The following RGSL1 variants were observed in gnomAD, a reference collection of about 807,000 sequenced individuals.
The protein encoded by RGSL1 is regulator of G protein signaling like 1.
Under a neutral mutation model 124.7 loss-of-function variants are expected in RGSL1, and 97 were observed. The ratio of observed to expected loss-of-function variants is 0.78; its 90% confidence interval spans 0.66 to 0.92. The LOEUF is 0.92. RGSL1 is among the 40% of genes least tolerant of loss of function. The probability of loss-of-function intolerance (pLI) is 0.00; values close to 1 mark genes in which losing one functional copy is unlikely to be tolerated. For missense variants in RGSL1, 1,233 were observed against 1,288.4 expected (o/e 0.96, Z 0.66); for synonymous variants, 424 against 438.1 (o/e 0.97, Z 0.40).
chr1:182,554,895 G>A, intron 20 of RGSL1: 2 of 567,582 alleles, frequency 3.5e-6, no homozygotes, highest in Non-Finnish European at 6.3e-6. Flanking sequence ...CCTCCAACTA[G>A]GACAGGCACT....
intron 9 of RGSL1, among the ~76,000 whole-genome samples, chr1:182,510,241 G>T (rs1657308644): frequency 2.8e-5 from 1 of 36,206 alleles, no homozygotes; most frequent in African/African-American, 1.3e-4. Context: ...ACGATGGGCG[G>T]CCAGGCAGAG....
At chr1:182,560,216 G>A (rs1661094025) in intron 21 of RGSL1, 63 bp from the exon 22 acceptor site, 1 of 152,188 alleles carries the variant, frequency 6.6e-6, no homozygotes, top group African/African-American at 2.4e-5. Context: ...AAATGCTATT[G>A]TCTTCATGAA....
intron 9 of RGSL1, among the ~76,000 whole-genome samples, chr1:182,509,305 C>A (rs1349616880): frequency 2.5e-5 from 1 of 39,928 alleles, no homozygotes; most frequent in Admixed American, 2.3e-4. Context: ...GGCGGCTGGC[C>A]GGGCAGGGGG....
chr1:182,473,585 G>A lies in RGSL1; in HGVS notation c.474G>A (p.Leu158=). 1 of 1,544,814 alleles carries A rather than the reference G, an allele frequency of 6.5e-7. No homozygotes were observed. Among genetic ancestry groups the A allele is most frequent in the Non-Finnish European group, 8.7e-7 (1 of 1,143,688 alleles). Residue 158 remains leucine, a synonymous_variant, in exon 6 of 22, where the codon CTG becomes CTA. Coordinates refer to ENST00000294854, the MANE Select transcript of RGSL1 (RefSeq NM_001137669.2). Reference sequence around the variant, plus strand: ...CTGTATTATTTCCAGAGTCCCTCCTGAACCTCTCCATCTGGCATCCCAACC... The same window carrying A: ...CTGTATTATTTCCAGAGTCCCTCCTAAACCTCTCCATCTGGCATCCCAACC... ...TLCNMNIKSL[L]NLSIWHPNQS... is the part of the protein sequence containing the mutation.
intron 13 of RGSL1, among the ~76,000 whole-genome samples, chr1:182,531,383 T>C (rs770310181): frequency 3.2e-4 from 49 of 152,046 alleles, no homozygotes; most frequent in Non-Finnish European, 5.4e-4. Context: ...CTTTCTCCTA[T>C]GGGAGAACAG....
chr1:182,484,118 G>A (rs1417562624), intron 6 of RGSL1, among the ~76,000 whole-genome samples: 5 of 152,076 alleles, frequency 3.3e-5, no homozygotes, highest in South Asian at 2.1e-4. Flanking sequence ...CAGGGAAAGG[G>A]ATGTCTTAGC....
intron 8 of RGSL1, among the ~76,000 whole-genome samples, chr1:182,489,491 C>G (rs751181905): frequency 2.6e-5 from 4 of 152,190 alleles, no homozygotes; most frequent in Non-Finnish European, 4.4e-5. Context: ...TAGCTAGACT[C>G]TGGCCCACCA....
chr1:182,543,350 T>G (rs920389905), intron 15 of RGSL1, among the ~76,000 whole-genome samples: 2 of 152,220 alleles, frequency 1.3e-5, no homozygotes, highest in Non-Finnish European at 2.9e-5. Flanking sequence ...ATATATCATG[T>G]TTATTGATTT....
At chr1:182,547,732 A>G (rs575532964) in intron 15 of RGSL1, among the ~76,000 whole-genome samples, 2 of 152,028 alleles carry the variant, frequency 1.3e-5, no homozygotes, top group East Asian at 1.9e-4. Context: ...GTGGTGGCAG[A>G]CGCCTGTAGT....
At chr1:182,538,462 A>T (rs896123929) in intron 14 of RGSL1, among the ~76,000 whole-genome samples, 1 of 152,050 alleles carries the variant, frequency 6.6e-6, no homozygotes, top group African/African-American at 2.4e-5. Context: ...CAGGAAGCGG[A>T]GCTTGCAATG....
At chr1:182,499,489 G>GCAA in intron 9 of RGSL1, among the ~76,000 whole-genome samples, 1 of 152,096 alleles carries the variant, frequency 6.6e-6, no homozygotes, top group Admixed American at 6.6e-5. Context: ...AATTAGAATA[G>GCAA]CAACCTCTGC....
At chr1:182,551,784 T>C (rs996429246) in intron 18 of RGSL1, among the ~76,000 whole-genome samples, 2 of 152,202 alleles carry the variant, frequency 1.3e-5, no homozygotes, top group Non-Finnish European at 2.9e-5. Context: ...CATAATGATG[T>C]TTCAGTCAAT....
chr1:182,552,569 G>T (rs1266717914), intron 18 of RGSL1, among the ~76,000 whole-genome samples: 2 of 152,182 alleles, frequency 1.3e-5, no homozygotes, highest in Admixed American at 6.5e-5. Context: ...CAAGCTGTGA[G>T]ACCTTGAGCA....
intron 1 of RGSL1, 103 bp downstream of exon 1, chr1:182,450,281 A>T: frequency 7.5e-7 from 1 of 1,339,334 alleles, no homozygotes. Context: ...CAGGGGCACC[A>T]TGGGTGACTT....
At chr1:182,460,478 A>G (rs920660467) in intron 4 of RGSL1, 7 of 374,908 alleles carry the variant, frequency 1.9e-5, no homozygotes, top group Admixed American at 1.1e-4. Context: ...GCCGCAGAAC[A>G]TAGTAAAATT....
intron 10 of RGSL1, among the ~76,000 whole-genome samples, chr1:182,523,208 CT>C (rs560766193): frequency 6.8e-6 from 1 of 147,202 alleles, no homozygotes; most frequent in East Asian, 2.0e-4. Flanking sequence ...GTTTTTTTTT[CT>C]TTTTTTTTTT....
intron 9 of RGSL1, among the ~76,000 whole-genome samples, chr1:182,498,760 C>A (rs948871790): frequency 2.0e-5 from 3 of 150,488 alleles, no homozygotes; most frequent in Non-Finnish European, 4.4e-5. Flanking sequence ...TGTTCTATGG[C>A]TGATTATGTG....
chr1:182,499,087 C>T (rs2102138984), intron 9 of RGSL1, among the ~76,000 whole-genome samples: 2 of 152,320 alleles, frequency 1.3e-5, no homozygotes, highest in South Asian at 4.1e-4. Flanking sequence ...GCCCCGGCAC[C>T]TGGCTCTTAT....
At chr1:182,559,542 A>G (rs1176842667) in intron 21 of RGSL1, among the ~76,000 whole-genome samples, 1 of 152,044 alleles carries the variant, frequency 6.6e-6, no homozygotes, top group Non-Finnish European at 1.5e-5. Context: ...ACACACACCC[A>G]ACACACTCTG....
Sources: allele counts gnomAD v4.1 joint callset (sites outside exome capture counted in the v4.1 genomes callset), GRCh38; gene constraint gnomAD v4.1.1; transcripts MANE v1.5; gene names NCBI Gene and HGNC (gene_info 2026-07-23, HGNC 2026-07-21).